RANBP2: variants seen among roughly 807,000 people sequenced by gnomAD.
RANBP2 encodes the protein E3 SUMO-protein ligase RanBP2.
A neutral mutation model predicts 303.6 loss-of-function variants in RANBP2; 57 were observed. The observed-to-expected ratio is 0.19, with a 90% CI of 0.15 to 0.23. RANBP2 has a LOEUF of 0.23. Among genes scored for constraint, RANBP2 ranks in the 10% least tolerant of loss-of-function variants. RANBP2 has a pLI of 1.00. For missense variants in RANBP2, 3,138 were observed against 3,780.8 expected (o/e 0.83, Z 4.46); for synonymous variants, 1,167 against 1,301.5 (o/e 0.90, Z 2.23).
chr2:108,834,510 T>C, the RANBP2 span, among the ~76,000 whole-genome samples: 1 of 152,208 alleles, frequency 6.6e-6, no homozygotes, highest in African/African-American at 2.4e-5. Context: ...CCACCATGCC[T>C]GGCCTGAAAA....
chr2:109,016,732 C>T, the RANBP2 span, among the ~76,000 whole-genome samples: 4 of 152,138 alleles, frequency 2.6e-5, no homozygotes, highest in Admixed American at 6.5e-5. Context: ...CCCAGCCAGG[C>T]GACGCCCAGG....
the RANBP2 span, among the ~76,000 whole-genome samples, chr2:109,703,386 C>G: frequency 4.1e-4 from 63 of 152,228 alleles, no homozygotes; most frequent in Non-Finnish European, 4.4e-5. Flanking sequence ...CACATTCACT[C>G]AGACACTGCA....
At chr2:109,136,640 C>G in the RANBP2 span, among the ~76,000 whole-genome samples, 3 of 152,144 alleles carry the variant, frequency 2.0e-5, no homozygotes, top group African/African-American at 7.2e-5. Context: ...GAAGGAGGCC[C>G]AAGAAGAGTC....
chr2:108,824,516 T>C, the RANBP2 span, among the ~76,000 whole-genome samples: 13 of 152,310 alleles, frequency 8.5e-5, no homozygotes, highest in South Asian at 2.7e-3. Flanking sequence ...AACACACATA[T>C]AGCTATCAGC....
chr2:108,902,112 C>T, the RANBP2 span, among the ~76,000 whole-genome samples: 1 of 151,300 alleles, frequency 6.6e-6, no homozygotes, highest in African/African-American at 2.4e-5. Flanking sequence ...GTGGCATGCA[C>T]ATGTAATCCC....
At chr2:108,891,030 C>G in the RANBP2 span, among the ~76,000 whole-genome samples, 1 of 152,076 alleles carries the variant, frequency 6.6e-6, no homozygotes, top group South Asian at 2.1e-4. Context: ...TAAAAAAAAT[C>G]TATCTCTTTG....
chr2:109,498,962 G>A, the RANBP2 span, among the ~76,000 whole-genome samples: 4 of 152,198 alleles, frequency 2.6e-5, no homozygotes, highest in South Asian at 4.1e-4. Context: ...CTGGTGGAGT[G>A]GGAAGGGCGC....
chr2:109,734,114 G>A, the RANBP2 span, among the ~76,000 whole-genome samples: 1 of 151,050 alleles, frequency 6.6e-6, no homozygotes, highest in Non-Finnish European at 1.5e-5. Context: ...GGGAGGTGGA[G>A]GTTCCAGTAA....
the RANBP2 span, among the ~76,000 whole-genome samples, chr2:109,623,474 G>A: frequency 6.6e-6 from 1 of 152,186 alleles, no homozygotes; most frequent in African/African-American, 2.4e-5. Flanking sequence ...GGCCTCCTGC[G>A]GTCCGGACTC....
chr2:109,544,994 GTGGTT>G, the RANBP2 span: 1 of 985,386 alleles, frequency 1.0e-6, no homozygotes, highest in Non-Finnish European at 1.2e-6. Context: ...CCAAAGTCCT[GTGGTT>G]TACTTCTCCA....
At chr2:109,551,893 AT>A in the RANBP2 span, among the ~76,000 whole-genome samples, 1 of 152,284 alleles carries the variant, frequency 6.6e-6, no homozygotes, top group East Asian at 1.9e-4. Context: ...AAGTTCAGTG[AT>A]TTTTTTGGTG....
chr2:108,739,741 A>G (rs1459385405), intron 6 of RANBP2, among the ~76,000 whole-genome samples: 17 of 152,168 alleles, frequency 1.1e-4, no homozygotes, highest in Non-Finnish European at 2.1e-4. Context: ...ATCCCAGCAC[A>G]TTGGTAAACT....
the RANBP2 span, among the ~76,000 whole-genome samples, chr2:109,373,158 C>T: frequency 1.3e-5 from 2 of 152,212 alleles, no homozygotes; most frequent in Non-Finnish European, 1.5e-5. Flanking sequence ...CACATCTGCC[C>T]TCAACACTTC....
At chr2:109,435,235 T>C in the RANBP2 span, among the ~76,000 whole-genome samples, 1 of 152,276 alleles carries the variant, frequency 6.6e-6, no homozygotes, top group East Asian at 1.9e-4. Flanking sequence ...GTCCAATCCA[T>C]AGCTCAGCAC....
the RANBP2 span, among the ~76,000 whole-genome samples, chr2:108,854,654 A>G: frequency 6.6e-6 from 1 of 152,028 alleles, no homozygotes; most frequent in Non-Finnish European, 1.5e-5. Context: ...CCAGCTCACA[A>G]TTCTTTGGGT....
the RANBP2 span, among the ~76,000 whole-genome samples, chr2:108,913,079 A>G: frequency 6.6e-6 from 1 of 151,366 alleles, no homozygotes; most frequent in Non-Finnish European, 1.5e-5. Flanking sequence ...CTCCCAAGTA[A>G]CTGGGACTAC....
At chr2:109,615,407 G>A in the RANBP2 span, 1 of 1,613,090 alleles carries the variant, frequency 6.2e-7, no homozygotes, top group Admixed American at 1.7e-5. Context: ...TCACTTGCCT[G>A]CACTGGGCCG....
At chr2:109,213,162 C>A in the RANBP2 span, among the ~76,000 whole-genome samples, 1 of 152,208 alleles carries the variant, frequency 6.6e-6, no homozygotes, top group Non-Finnish European at 1.5e-5. Flanking sequence ...TGGGTTTAAA[C>A]CACATGGGCG....
the RANBP2 span, chr2:109,605,501 G>T: frequency 6.6e-6 from 1 of 151,964 alleles, no homozygotes; most frequent in African/African-American, 2.4e-5. Context: ...TAAATAAATT[G>T]TACTTGAATA....
Sources: gnomAD v4.1 joint callset for allele counts (sites outside exome capture counted in the v4.1 genomes callset) on GRCh38, gnomAD v4.1.1 for gene constraint, MANE v1.5 for transcripts, NCBI Gene and HGNC (gene_info 2026-07-23, HGNC 2026-07-21) for gene names.